The following GSK3B variants were observed in gnomAD, a reference collection of about 807,000 sequenced individuals.
GSK3B encodes the protein glycogen synthase kinase-3 beta.
A neutral mutation model predicts 56.4 loss-of-function variants in GSK3B; 15 were observed. The observed-to-expected ratio is 0.27, with a 90% CI of 0.18 to 0.41. The LOEUF is 0.41. Ranked by LOEUF, GSK3B falls within the 10% of genes least tolerant of loss-of-function variation. The pLI is 1.00. For synonymous variants in GSK3B, 181 were observed against 188.9 expected (o/e 0.96, Z 0.34); for missense variants, 300 against 513.4 (o/e 0.58, Z 4.02).
chr3:119,826,377 T>A lies in GSK3B; in HGVS notation c.*411A>T, dbSNP rs746478791. 2.4e-6 allele frequency: 1 copy of A among 415,102 alleles called. No individual in the cohort carries two copies. Among genetic ancestry groups the A allele is most frequent in the Non-Finnish European group, 4.5e-6 (1 of 223,904 alleles). 25.7% of individuals were successfully genotyped at this position (415,102 alleles called of 1,614,324 possible). A position where few individuals can be genotyped will look rare whatever the true frequency, so the allele number is the denominator to read the frequency against. On this transcript the variant is annotated 3_prime_UTR_variant, in exon 11 of 11. Transcript: ENST00000264235. ...TATACCAAAGTCTCACACTAGACTTTAAAAGAAAACAAAGTTCAAAAAAAC... is the reference window on the plus strand; with the variant it reads ...TATACCAAAGTCTCACACTAGACTTAAAAAGAAAACAAAGTTCAAAAAAAC...
At chr3:119,902,874 C>T (rs2056639019) in intron 7 of GSK3B, among the ~76,000 whole-genome samples, 1 of 152,014 alleles carries the variant, frequency 6.6e-6, no homozygotes, top group Non-Finnish European at 1.5e-5. Flanking sequence ...GCCACTATGC[C>T]TGGCTAATTT....
At chr3:120,055,883 G>A (rs2058187881) in intron 1 of GSK3B, among the ~76,000 whole-genome samples, 1 of 152,100 alleles carries the variant, frequency 6.6e-6, no homozygotes, top group South Asian at 2.1e-4. Flanking sequence ...AAACACAAAA[G>A]GAAAATATAT....
chr3:119,886,643 C>A (rs1249686866), intron 7 of GSK3B, among the ~76,000 whole-genome samples: 1 of 152,012 alleles, frequency 6.6e-6, no homozygotes, highest in African/African-American at 2.4e-5. Flanking sequence ...CAACAGTGGA[C>A]TAGATAAAGA....
intron 5 of GSK3B, among the ~76,000 whole-genome samples, chr3:119,915,535 A>G (rs1036962434): frequency 6.6e-6 from 1 of 152,098 alleles, no homozygotes; most frequent in Non-Finnish European, 1.5e-5. Flanking sequence ...ACTTGTGTAT[A>G]TATGTGTGTG....
chr3:119,938,494 A>T (rs1304709574), intron 3 of GSK3B, among the ~76,000 whole-genome samples: 1 of 152,010 alleles, frequency 6.6e-6, no homozygotes, highest in Non-Finnish European at 1.5e-5. Context: ...AAGAAAATCA[A>T]TGTAATATAT....
chr3:119,869,236 A>AC (rs1553726301), intron 8 of GSK3B, among the ~76,000 whole-genome samples: 1 of 148,744 alleles, frequency 6.7e-6, no homozygotes, highest in African/African-American at 2.6e-5. Flanking sequence ...AAAAAAAAAA[A>AC]AAAAAAAAAA....
intron 1 of GSK3B, among the ~76,000 whole-genome samples, chr3:120,064,356 T>A (rs1160304329): frequency 6.6e-6 from 1 of 151,926 alleles, no homozygotes; most frequent in Non-Finnish European, 1.5e-5. Context: ...AAATCAGAAT[T>A]TTTATACACT....
rs574637218 is a variant in GSK3B, at chr3:120,094,384, G to GGGCGGGGGC, written c.-951_-950insGCCCCCGCC. On this transcript the variant is annotated 5_prime_UTR_variant, in exon 1 of 11. Coordinates refer to ENST00000264235, the MANE Select transcript of GSK3B (RefSeq NM_001146156.2). Reference sequence around the variant, plus strand: ...CCTTCCTTCCTTTGTCACTTGGCCCGGGCGGCGGCGGCGGCGGCGGCGGCA... The same window carrying GGGCGGGGGC: ...CCTTCCTTCCTTTGTCACTTGGCCCGGGCGGGGGCGGCGGCGGCGGCGGCGGCGGCGGCA... 2 of 310,982 alleles carry GGGCGGGGGC rather than the reference G, an allele frequency of 6.4e-6. No homozygotes were observed. The highest frequency in any genetic ancestry group is 5.3e-5 in the Admixed American group (1 of 19,032). The allele number at this position is 310,982 out of a possible 1,614,324, so 19.3% of individuals were successfully genotyped here. A position where few individuals can be genotyped will look rare whatever the true frequency, so the allele number is the denominator to read the frequency against.
rs199507027 is a variant in GSK3B at position 120,093,710 on chromosome 3, G to A, written c.-276C>T. ...TACAATTCTTTCCCCTCCCTTTCCT[G>A]GGAGGAGAGAAAAGAGAGGGCAAAT... On this transcript the variant is annotated 5_prime_UTR_variant, in exon 1 of 11. Transcript: ENST00000264235. 6 of 342,418 alleles carry A rather than the reference G, an allele frequency of 1.8e-5. No homozygotes were observed. The highest frequency in any genetic ancestry group is 1.1e-5 in the Non-Finnish European group (2 of 189,364). 21.2% of individuals were successfully genotyped at this position (342,418 alleles called of 1,614,324 possible).
At chr3:119,954,288 AGAATAGAAT>A (rs2057189245) in intron 2 of GSK3B, among the ~76,000 whole-genome samples, 1 of 131,740 alleles carries the variant, frequency 7.6e-6, no homozygotes, top group East Asian at 2.0e-4. Context: ...AGAATAGAAT[AGAATAGAAT>A]AGAATAGAAA....
chr3:119,902,063 TTAAAAAACGTGAGA>T (rs2056630118), intron 7 of GSK3B, among the ~76,000 whole-genome samples: 1 of 152,128 alleles, frequency 6.6e-6, no homozygotes, highest in East Asian at 1.9e-4. Context: ...GACTATTACC[TTAAAAAACGTGAGA>T]ACTGAACTGG....
intron 7 of GSK3B, among the ~76,000 whole-genome samples, chr3:119,896,005 G>C (rs1456198770): frequency 6.6e-6 from 1 of 151,804 alleles, no homozygotes; most frequent in Non-Finnish European, 1.5e-5. Flanking sequence ...GTGTGTGCCT[G>C]TAGTCCCAGA....
At chr3:119,840,664 A>C (rs928874105) in intron 10 of GSK3B, among the ~76,000 whole-genome samples, 2 of 152,222 alleles carry the variant, frequency 1.3e-5, no homozygotes, top group African/African-American at 4.8e-5. Context: ...GCATTTCCTG[A>C]AGTATGTTTG....
At chr3:119,965,164 T>C (rs2057308208) in intron 2 of GSK3B, among the ~76,000 whole-genome samples, 1 of 150,880 alleles carries the variant, frequency 6.6e-6, no homozygotes, top group African/African-American at 2.4e-5. Flanking sequence ...GTGATTCTCC[T>C]GCCTCAGCCT....
chr3:119,897,080 A>G (rs1026215320), intron 7 of GSK3B, among the ~76,000 whole-genome samples: 4 of 152,216 alleles, frequency 2.6e-5, no homozygotes, highest in African/African-American at 9.6e-5. Flanking sequence ...GTTTCTTTGT[A>G]TAAATAAAAC....
intron 1 of GSK3B, among the ~76,000 whole-genome samples, chr3:120,012,703 AG>A (rs2057789683): frequency 6.6e-6 from 1 of 152,190 alleles, no homozygotes; most frequent in Non-Finnish European, 1.5e-5. Context: ...TTTAAGAGAC[AG>A]GGTCGTCCAG....
At chr3:119,986,453 T>C (rs2107459920) in intron 2 of GSK3B, among the ~76,000 whole-genome samples, 1 of 150,026 alleles carries the variant, frequency 6.7e-6, no homozygotes, top group South Asian at 2.1e-4. Context: ...AGGGCTAATA[T>C]CCAGAATCTA....
At chr3:119,854,276 A>G (rs2055985340) in intron 9 of GSK3B, among the ~76,000 whole-genome samples, 1 of 152,110 alleles carries the variant, frequency 6.6e-6, no homozygotes, top group East Asian at 1.9e-4. Context: ...AGCCCACCTG[A>G]TTGTGGTGGA....
At chr3:119,835,791 T>C (rs1302222232) in intron 10 of GSK3B, among the ~76,000 whole-genome samples, 1 of 152,164 alleles carries the variant, frequency 6.6e-6, no homozygotes, top group Non-Finnish European at 1.5e-5. Flanking sequence ...CACTGCAGCT[T>C]CTACACTAGA....
Sources: allele counts gnomAD v4.1 joint callset (sites outside exome capture counted in the v4.1 genomes callset), GRCh38; gene constraint gnomAD v4.1.1; transcripts MANE v1.5; gene names NCBI Gene and HGNC (gene_info 2026-07-23, HGNC 2026-07-21).